Variants in PLD1 observed in about 807,000 individuals in gnomAD.
PLD1 encodes choline phosphatase 1.
PLD1 carries 112 observed loss-of-function variants against 137.1 expected under a neutral mutation model. The observed-to-expected ratio is 0.82, with a 90% CI of 0.70 to 0.96. PLD1 has a LOEUF of 0.96. Among genes scored for constraint, PLD1 ranks in the 40% least tolerant of loss-of-function variants. The pLI is 0.00. For synonymous variants in PLD1, 431 were observed against 454.7 expected, an observed-to-expected ratio of 0.95 and a Z score of 0.66; for missense variants, 1,321 against 1,342.0, an observed-to-expected ratio of 0.98 and a Z score of 0.24.
chr3:171,641,545 T>C (rs1159949513), intron 23 of PLD1, among the ~76,000 whole-genome samples: 2 of 152,190 alleles, frequency 1.3e-5, no homozygotes, highest in Non-Finnish European at 2.9e-5. Context: ...AAATACTCAA[T>C]TCAGGTTTAT....
Position 171,724,776 on chromosome 3 carries a change from TATC to T in PLD1, c.675_677del (p.Met225del). 1 of 1,602,962 alleles carries T rather than the reference TATC, an allele frequency of 6.2e-7. No individual in the cohort carries two copies. Among genetic ancestry groups the T allele is most frequent in the Non-Finnish European group, 8.5e-7 (1 of 1,171,648 alleles). Reference sequence around the variant, plus strand: ...TTCTGTGTCCTCCAGATCTTTTCATTATCATACCTTCTCTGAAAGAGACAGAAA... The same window carrying T: ...TTCTGTGTCCTCCAGATCTTTTCATTATACCTTCTCTGAAAGAGACAGAAA... On this transcript the variant is annotated inframe_deletion, in exon 8 of 27. Transcript: ENST00000351298.
At chr3:171,627,265 GC>G (rs1734204688) in intron 23 of PLD1, among the ~76,000 whole-genome samples, 1 of 152,104 alleles carries the variant, frequency 6.6e-6, no homozygotes, top group Non-Finnish European at 1.5e-5. Context: ...GACAAAGAAG[GC>G]CATTACATAA....
rs113388352 is a variant in PLD1 at position 171,660,606 on chromosome 3, A to T, written c.2341-1305T>A. ...AGAAAAGCTGATTATTTTATTTTTT[A>T]TTTTTTTTATTTTTTTGAGATGGAG... On this transcript the variant is annotated intron_variant, in intron 20 of 26. Coordinates refer to ENST00000351298, the MANE Select transcript of PLD1 (RefSeq NM_002662.5). 2.0e-3 allele frequency among the ~76,000 whole-genome samples: 292 copies of T among 143,668 alleles called. 1 individual carries two copies. Among genetic ancestry groups the T allele is most frequent in the African/African-American group, 7.7e-3 (271 of 35,002 alleles). 94.3% of individuals were successfully genotyped at this position (143,668 alleles called of 152,430 possible).
intron 25 of PLD1, among the ~76,000 whole-genome samples, chr3:171,606,613 A>G (rs575587135): frequency 2.0e-5 from 3 of 152,314 alleles, no homozygotes; most frequent in African/African-American, 7.2e-5. Flanking sequence ...GTCAAGGAGA[A>G]CTGTCCAATT....
At chr3:171,776,168 A>G (rs1316407287) in intron 1 of PLD1, among the ~76,000 whole-genome samples, 1 of 152,204 alleles carries the variant, frequency 6.6e-6, no homozygotes. Context: ...GCCATCTAAG[A>G]AGACACTCCT....
At position 171,662,150 on chromosome 3, in the gene PLD1, A is replaced by T. The variant is rs775490774; in HGVS notation, c.2250T>A (p.Asp750Glu). ...CATGGTACTTTATACCAGCAGACCA[A>T]TCAGCAGCAGAGCGGAGCAACTACA... ...ANVQLLRSAADWSAGIKYHEE... is the reference protein window; with the variant it reads ...ANVQLLRSAAEWSAGIKYHEE... The change falls in exon 20 of 27, where the codon GAT (aspartate) becomes GAA (glutamate). Residue 750 changes from aspartate (D) to glutamate (E), a missense_variant. Asp to Glu is a conservative substitution (Grantham distance 45). Coordinates refer to ENST00000351298, the MANE Select transcript of PLD1 (RefSeq NM_002662.5). The T allele has an allele frequency of 6.2e-7, 1 of 1,612,494 alleles. No individual in the cohort carries two copies. Among genetic ancestry groups the T allele is most frequent in the African/African-American group, 1.3e-5 (1 of 74,908 alleles).
chr3:171,697,743 TGTTGTGTGGA>T (rs1351466864), intron 12 of PLD1, among the ~76,000 whole-genome samples: 7 of 152,346 alleles, frequency 4.6e-5, no homozygotes, highest in African/African-American at 1.7e-4. Context: ...ACATCCTTCA[TGTTGTGTGGA>T]GCTCCCCAAC....
rs1420596330 is a variant in PLD1 at position 171,639,515 on chromosome 3, ATATATTCATAT to A, written c.2593+3314_2593+3324del. 1.1e-4 allele frequency among the ~76,000 whole-genome samples: 10 copies of A among 93,556 alleles called. 1 individual carries two copies. The highest frequency in any genetic ancestry group is 4.3e-4 in the Admixed American group (3 of 6,982). 61.4% of individuals were successfully genotyped at this position (93,556 alleles called of 152,430 possible). A position where few individuals can be genotyped will look rare whatever the true frequency, so the allele number is the denominator to read the frequency against. On this transcript the variant is annotated intron_variant, in intron 23 of 26. Transcript: ENST00000351298. The stretch of plus-strand genomic sequence containing the variant: ...TTTTATTTAATACATAATAAATAAT[ATATATTCATAT>A]AATATATATTATATAAATATATATT...
At chr3:171,798,231 A>C (rs1407949128) in intron 1 of PLD1, among the ~76,000 whole-genome samples, 2 of 152,250 alleles carry the variant, frequency 1.3e-5, no homozygotes, top group African/African-American at 4.8e-5. Flanking sequence ...TCACTTACAC[A>C]TTCTCTACTA....
chr3:171,771,834 A>G (rs1037245697), intron 1 of PLD1, among the ~76,000 whole-genome samples: 2 of 152,208 alleles, frequency 1.3e-5, no homozygotes, highest in Non-Finnish European at 2.9e-5. Context: ...ATCAAATCCA[A>G]CGATTAACAT....
chr3:171,785,753 C>T lies in PLD1; in HGVS notation c.-32+24646G>A, dbSNP rs539850723. ...CGCCCAGCCTCCAGTGTCTATTTTACACTTAGAGCACATTTCAACTTGGAC... is the reference window on the plus strand; with the variant it reads ...CGCCCAGCCTCCAGTGTCTATTTTATACTTAGAGCACATTTCAACTTGGAC... On this transcript the variant is annotated intron_variant, in intron 1 of 26. Coordinates refer to ENST00000351298, the MANE Select transcript of PLD1 (RefSeq NM_002662.5). Among the ~76,000 whole-genome samples the T allele has an allele frequency of 2.0e-5, 3 of 152,294 alleles. No individual in the cohort carries two copies. In the East Asian group the frequency reaches 5.8e-4, roughly 29 times the overall value.
intron 1 of PLD1, among the ~76,000 whole-genome samples, chr3:171,805,993 T>G (rs896746404): frequency 1.3e-5 from 2 of 152,176 alleles, no homozygotes; most frequent in African/African-American, 2.4e-5. Flanking sequence ...CTGGGTGACA[T>G]AGCAAGACCT....
chr3:171,710,058 A>G (rs1053406857), intron 9 of PLD1, among the ~76,000 whole-genome samples: 2 of 151,894 alleles, frequency 1.3e-5, no homozygotes. Context: ...AGCGGTCCCC[A>G]ACTTTTCTTT....
At chr3:171,628,288 A>C (rs1560159093) in intron 23 of PLD1, among the ~76,000 whole-genome samples, 1 of 152,244 alleles carries the variant, frequency 6.6e-6, no homozygotes, top group Admixed American at 6.5e-5. Context: ...CTCAACATAT[A>C]CACCCTTCGA....
At chr3:171,652,158 A>G (rs992482802) in intron 21 of PLD1, among the ~76,000 whole-genome samples, 3 of 152,164 alleles carry the variant, frequency 2.0e-5, no homozygotes, top group Non-Finnish European at 2.9e-5. Flanking sequence ...TCATGCCTGT[A>G]ATCCCAGCAC....
At chr3:171,804,345 T>C (rs892411903) in intron 1 of PLD1, among the ~76,000 whole-genome samples, 2 of 152,230 alleles carry the variant, frequency 1.3e-5, no homozygotes, top group Non-Finnish European at 2.9e-5. Context: ...TTTTTAAGAA[T>C]AGTTAAATGG....
chr3:171,809,218 AC>A lies in PLD1; in HGVS notation c.-32+1180del, dbSNP rs1724013915. On this transcript the variant is annotated intron_variant, in intron 1 of 26. Transcript: ENST00000351298. ...CAATTAGTCCAAAGATCCCCAAACA[AC>A]ATTTAAAGGCTGTCTACAAATTCAA... 2.0e-5 allele frequency: 3 copies of A among 152,208 alleles called. No homozygotes were observed. The South Asian group carries it at 6.2e-4, about 31-fold the overall frequency. The allele number at this position is 152,208 out of a possible 1,614,324, so 9.4% of individuals were successfully genotyped here.
intron 22 of PLD1, among the ~76,000 whole-genome samples, chr3:171,643,518 T>C (rs1735951007): frequency 6.6e-6 from 1 of 152,094 alleles, no homozygotes; most frequent in Non-Finnish European, 1.5e-5. Flanking sequence ...AATGCTATTA[T>C]TAAAGATGAT....
At chr3:171,751,608 T>C (rs1375401904) in intron 1 of PLD1, among the ~76,000 whole-genome samples, 1 of 152,260 alleles carries the variant, frequency 6.6e-6, no homozygotes, top group Non-Finnish European at 1.5e-5. Context: ...CTATTTTACA[T>C]TCATTGGATC....
Sources: gnomAD v4.1 joint callset for allele counts (sites outside exome capture counted in the v4.1 genomes callset) on GRCh38, gnomAD v4.1.1 for gene constraint, MANE v1.5 for transcripts, NCBI Gene and HGNC (gene_info 2026-07-23, HGNC 2026-07-21) for gene names.